Variants in KIRREL3 observed in about 807,000 individuals in gnomAD.
The protein encoded by KIRREL3 is kirre like nephrin family adhesion molecule 3, also known as kin of IRRE-like protein 3.
KIRREL3 carries 36 observed loss-of-function variants against 89.7 expected under a neutral mutation model. The observed-to-expected ratio is 0.40, with a 90% CI of 0.31 to 0.53. The LOEUF (loss-of-function observed/expected upper bound fraction) is 0.53, where lower values mean the gene tolerates loss of function less well. KIRREL3 is among the 20% of genes least tolerant of loss of function. The pLI, the probability that KIRREL3 is intolerant of heterozygous loss-of-function variation, is 0.49. For missense variants in KIRREL3, 864 were observed against 1,056.6 expected (o/e 0.82, Z 2.53); for synonymous variants, 445 against 441.4 (o/e 1.01, Z -0.10).
intron 9 of KIRREL3, among the ~76,000 whole-genome samples, chr11:126,445,446 C>T (rs1955751325): frequency 6.6e-6 from 1 of 152,198 alleles, no homozygotes; most frequent in South Asian, 2.1e-4. Context: ...AGGAACCTCC[C>T]TGTACCTGCG....
rs1323584482 is a variant in KIRREL3, at chr11:126,898,128, C to T, written c.55+102327G>A. Among the ~76,000 whole-genome samples the T allele has an allele frequency of 6.6e-6, 1 of 152,088 alleles. No individual in the cohort carries two copies. The highest frequency in any genetic ancestry group is 2.4e-5 in the African/African-American group (1 of 41,402). Reference sequence around the variant, plus strand: ...TTCCCAGGTGGTGTTTGCCCTGGTTCCAGTCTCTGATGCCACAGTCGCCTA... The same window carrying T: ...TTCCCAGGTGGTGTTTGCCCTGGTTTCAGTCTCTGATGCCACAGTCGCCTA... On this transcript the variant is annotated intron_variant, in intron 1 of 16. Coordinates refer to ENST00000525144, the MANE Select transcript of KIRREL3 (RefSeq NM_032531.4). The surrounding 1 kb of genome is among the most constrained non-coding windows in gnomAD (Gnocchi z 4.9).
chr11:126,431,308 A>G lies in KIRREL3; in HGVS notation c.1696+111T>C, dbSNP rs1260227819. On this transcript the variant is annotated intron_variant, in intron 14 of 16. Transcript: ENST00000525144. This position sits in a 1 kb window ranked among gnomAD's most constrained non-coding sequence, Gnocchi z 7.1. ...ACTCCCTGCCCCAGGAGCTCACAGC[A>G]CTGTTAGGACCCCTGTTCATTGCAC... 1.9e-6 allele frequency: 3 copies of G among 1,553,946 alleles called. No homozygotes were observed. Among genetic ancestry groups the G allele is most frequent in the Non-Finnish European group, 2.6e-6 (3 of 1,148,516 alleles).
intron 1 of KIRREL3, among the ~76,000 whole-genome samples, chr11:126,841,256 G>A (rs1347475962): frequency 2.0e-5 from 3 of 152,176 alleles, no homozygotes; most frequent in Non-Finnish European, 4.4e-5. Context: ...CTGTTTGTCT[G>A]GAACAACTAC....
intron 1 of KIRREL3, among the ~76,000 whole-genome samples, chr11:126,572,580 C>A (rs997149220): frequency 3.9e-4 from 38 of 97,090 alleles, no homozygotes; most frequent in African/African-American, 1.2e-3. Context: ...GGACCCCCCC[C>A]CCGCCAAGCA....
chr11:126,728,604 G>A (rs528419884), intron 1 of KIRREL3, among the ~76,000 whole-genome samples: 1 of 152,318 alleles, frequency 6.6e-6, no homozygotes, highest in East Asian at 1.9e-4. Flanking sequence ...TAGCTTCCAG[G>A]CTGAAGTGGG....
intron 15 of KIRREL3, among the ~76,000 whole-genome samples, chr11:126,426,237 C>G (rs80139593): frequency 0.061 from 9,235 of 152,256 alleles, 557 homozygotes; most frequent in African/African-American, 0.15. Flanking sequence ...TAGTGCAGGC[C>G]TTAGGGAGTC....
chr11:126,800,904 T>G (rs1951011798), intron 1 of KIRREL3, among the ~76,000 whole-genome samples: 3 of 152,152 alleles, frequency 2.0e-5, no homozygotes. Context: ...GCCACAGCTG[T>G]GGGAAGCTCT....
Position 126,905,864 on chromosome 11 carries a change from C to T in KIRREL3, c.55+94591G>A, listed in dbSNP as rs139438739. Among the ~76,000 whole-genome samples the T allele has an allele frequency of 1.4e-3, 217 of 152,238 alleles. No individual in the cohort carries two copies. Among genetic ancestry groups the T allele is most frequent in the African/African-American group, 5.0e-3 (208 of 41,534 alleles). ...AAAGCACTTCAGGGGTTCCTTTGTC[C>T]GCACCCAGCCATGCAAAATTCCTGG... is the stretch of plus-strand genomic sequence containing the variant. On this transcript the variant is annotated intron_variant, in intron 1 of 16. Coordinates refer to ENST00000525144, the MANE Select transcript of KIRREL3 (RefSeq NM_032531.4). This position sits in a 1 kb window ranked among gnomAD's most constrained non-coding sequence, Gnocchi z 5.0.
Position 126,497,110 on chromosome 11 carries a change from C to CTGTGTG in KIRREL3, c.434-23650_434-23645dup, listed in dbSNP as rs60261632. Among the ~76,000 whole-genome samples, 248 of 149,108 alleles carry CTGTGTG rather than the reference C, an allele frequency of 1.7e-3. 2 individuals are homozygous for CTGTGTG. Among genetic ancestry groups the CTGTGTG allele is most frequent in the African/African-American group, 5.8e-3 (237 of 40,654 alleles). On this transcript the variant is annotated intron_variant, in intron 4 of 16. Transcript: ENST00000525144. ...GTGCCTGGGCTTAAAGCCTGCTTGG[C>CTGTGTG]TGTGTGTGTGTGTGTGTGTGTGACA...
chr11:126,962,915 C>T (rs76284642), intron 1 of KIRREL3, among the ~76,000 whole-genome samples: 2,033 of 152,250 alleles, frequency 0.013, 56 homozygotes, highest in East Asian at 0.12. Context: ...ATTGTTAGCA[C>T]TTTTTAGCAA....
intron 1 of KIRREL3, among the ~76,000 whole-genome samples, chr11:126,765,050 T>A (rs1469406271): frequency 6.6e-6 from 1 of 152,164 alleles, no homozygotes; most frequent in African/African-American, 2.4e-5. Context: ...ATCATGACAT[T>A]CCTAGAGATG....
chr11:126,595,316 G>A (rs1316749949), intron 1 of KIRREL3, among the ~76,000 whole-genome samples: 4 of 152,216 alleles, frequency 2.6e-5, no homozygotes, highest in Non-Finnish European at 5.9e-5. Context: ...CCAGAGATCC[G>A]GAGCTGAGGG....
chr11:126,763,525 A>G lies in KIRREL3; in HGVS notation c.56-200613T>C, dbSNP rs1426972933. ...ATTCTAGTCTCTCTGGGGCCACATG[A>G]CACCCGAACACACAGAATCTGTGGG... On this transcript the variant is annotated intron_variant, in intron 1 of 16. Transcript: ENST00000525144. This position sits in a 1 kb window ranked among gnomAD's most constrained non-coding sequence, Gnocchi z 4.7. Among the ~76,000 whole-genome samples, 1 of 152,180 alleles carries G rather than the reference A, an allele frequency of 6.6e-6. No individual in the cohort carries two copies. The highest frequency in any genetic ancestry group is 2.4e-5 in the African/African-American group (1 of 41,444).
chr11:126,625,326 T>C (rs1190076215), intron 1 of KIRREL3, among the ~76,000 whole-genome samples: 1 of 152,136 alleles, frequency 6.6e-6, no homozygotes, highest in Admixed American at 6.6e-5. Flanking sequence ...TCTCTGGAAA[T>C]CATTTGAGTA....
chr11:126,818,802 T>A (rs1951671778), intron 1 of KIRREL3, among the ~76,000 whole-genome samples: 1 of 40,794 alleles, frequency 2.5e-5, no homozygotes. Context: ...ATTGTTGATT[T>A]CAGGTCAGCC....
rs995590938 is a variant in KIRREL3, at chr11:126,844,494, TA to T, written c.55+155960del. ...TTGGGTAGGTGGTGGGGTACCCAGATAAAGGATGGGATTGGGTTAGGGGCCC... is the reference window on the plus strand; with the variant it reads ...TTGGGTAGGTGGTGGGGTACCCAGATAAGGATGGGATTGGGTTAGGGGCCC... On this transcript the variant is annotated intron_variant, in intron 1 of 16. Coordinates refer to ENST00000525144, the MANE Select transcript of KIRREL3 (RefSeq NM_032531.4). The surrounding 1 kb of genome is among the most constrained non-coding windows in gnomAD (Gnocchi z 4.8). Among the ~76,000 whole-genome samples the T allele has an allele frequency of 4.6e-5, 7 of 152,088 alleles. No homozygotes were observed. The highest frequency in any genetic ancestry group is 1.7e-4 in the African/African-American group (7 of 41,406).
rs1946574318 is a variant in KIRREL3, at chr11:126,906,158, C to T, written c.55+94297G>A. Among the ~76,000 whole-genome samples the T allele has an allele frequency of 6.6e-6, 1 of 152,160 alleles. No individual in the cohort carries two copies. The highest frequency in any genetic ancestry group is 2.4e-5 in the African/African-American group (1 of 41,442). On this transcript the variant is annotated intron_variant, in intron 1 of 16. Coordinates refer to ENST00000525144, the MANE Select transcript of KIRREL3 (RefSeq NM_032531.4). This position sits in a 1 kb window ranked among gnomAD's most constrained non-coding sequence, Gnocchi z 4.1. ...CTGAATTCCCTCACTCAGAGATAGG[C>T]TCTCTTTTCTCTCTGTACACTCCAG... is the stretch of plus-strand genomic sequence containing the variant.
intron 7 of KIRREL3, among the ~76,000 whole-genome samples, chr11:126,450,390 TGG>T (rs200460569): frequency 2.0e-5 from 3 of 149,790 alleles, no homozygotes; most frequent in African/African-American, 5.0e-5. Flanking sequence ...TGTGTGAGTG[TGG>T]GTATGTGTGA....
At chr11:126,926,589 C>T (rs980069674) in intron 1 of KIRREL3, among the ~76,000 whole-genome samples, 5 of 152,032 alleles carry the variant, frequency 3.3e-5, no homozygotes, top group Non-Finnish European at 7.4e-5. Flanking sequence ...AGCCTCTCAC[C>T]AGCACCCTTC....
Sources: allele counts gnomAD v4.1 joint callset (sites outside exome capture counted in the v4.1 genomes callset), GRCh38; gene constraint gnomAD v4.1.1; non-coding constraint Gnocchi (gnomAD v3.1); transcripts MANE v1.5; gene names NCBI Gene and HGNC (gene_info 2026-07-23, HGNC 2026-07-21).